AGBL1: variants seen among roughly 807,000 people sequenced by gnomAD.
AGBL1 encodes the protein AGBL carboxypeptidase 1.
In AGBL1, 130 loss-of-function variants were observed where a neutral mutation model predicts 118.9. The observed-to-expected ratio is 1.09, with a 90% CI of 0.95 to 1.26. The LOEUF is 1.26. AGBL1 is among the 50% of genes most tolerant of loss of function. AGBL1 has a pLI of 0.00. For synonymous variants in AGBL1, 555 were observed against 478.9 expected (o/e 1.16, Z -2.08); for missense variants, 1,584 against 1,298.1 (o/e 1.22, Z -3.38).
At chr15:86,972,570 C>G (rs2701429) in intron 23 of AGBL1, among the ~76,000 whole-genome samples, 104,137 of 151,918 alleles carry the variant, frequency 0.69, 36,615 homozygotes, top group South Asian at 0.9. Context: ...TACTGTCAAG[C>G]CTATCTTTAT....
At position 86,264,339 on chromosome 15, in the gene AGBL1, T is replaced by C; in HGVS notation, c.1168T>C (p.Ser390Pro). The C allele has an allele frequency of 6.2e-7, 1 of 1,612,908 alleles. No individual in the cohort carries two copies. The highest frequency in any genetic ancestry group is 1.7e-5 in the Admixed American group (1 of 59,858). The change falls in exon 11 of 23, where the codon TCC (serine) becomes CCC (proline). Residue 390 changes from serine to proline, a missense_variant. By Grantham distance (74) the Ser-to-Pro change is moderately conservative (BLOSUM62 -1). Coordinates refer to ENST00000614907, the MANE Select transcript of AGBL1 (RefSeq NM_001386094.1). ...TCACCACCACATTCCAGCCGCTGCC[T>C]CCTCAAAACAGCATTGCTACAGCAA... ...ANHHHIPAAA[S>P]SKQHCYSKDQ...
At chr15:87,016,378 A>C (rs2141792628) in intron 24 of AGBL1, among the ~76,000 whole-genome samples, 2 of 152,336 alleles carry the variant, frequency 1.3e-5, no homozygotes, top group South Asian at 4.1e-4. Flanking sequence ...TCTCTCAGAC[A>C]AAGGGACATT....
chr15:86,756,080 A>G (rs2077934818), intron 22 of AGBL1, among the ~76,000 whole-genome samples: 1 of 152,110 alleles, frequency 6.6e-6, no homozygotes, highest in Admixed American at 6.6e-5. Context: ...GGGCATGCAG[A>G]AATATAGTAG....
At chr15:86,847,820 T>G (rs2079340449) in intron 22 of AGBL1, among the ~76,000 whole-genome samples, 1 of 152,184 alleles carries the variant, frequency 6.6e-6, no homozygotes, top group African/African-American at 2.4e-5. Context: ...GTGCACAGCT[T>G]TCCAGTCAGC....
At chr15:86,927,663 G>C (rs1208347821) in intron 23 of AGBL1, among the ~76,000 whole-genome samples, 1 of 152,050 alleles carries the variant, frequency 6.6e-6, no homozygotes, top group Non-Finnish European at 1.5e-5. Context: ...ATGAATAGAG[G>C]AAGTAGCAAT....
intron 22 of AGBL1, among the ~76,000 whole-genome samples, chr15:86,732,956 CACACAT>C (rs201358138): frequency 0.012 from 1,755 of 148,914 alleles, 40 homozygotes; most frequent in African/African-American, 0.04. Flanking sequence ...GAAATATATA[CACACAT>C]ATACATATAC....
At chr15:86,141,891 G>C in intron 1 of AGBL1, 113 bp from the exon 2 acceptor site, 1 of 1,097,132 alleles carries the variant, frequency 9.1e-7, no homozygotes, top group Non-Finnish European at 1.3e-6. Flanking sequence ...TTTCGCTGTA[G>C]TTAATCTTTC....
intron 18 of AGBL1, among the ~76,000 whole-genome samples, chr15:86,481,984 G>A (rs1033641891): frequency 5.3e-5 from 8 of 152,230 alleles, no homozygotes; most frequent in African/African-American, 1.9e-4. Flanking sequence ...AACAGAAAAA[G>A]TAATGTATAG....
In AGBL1 at chr15:86,625,378, TG is replaced by T. The variant is rs869302942; in HGVS notation, c.2995-48894del. Reference sequence around the variant, plus strand: ...GAAGAAATTAGCGTTTTTTTTTTTTTGTTTTTGTTTTTTTTTTTTTTTACAA... The same window carrying T: ...GAAGAAATTAGCGTTTTTTTTTTTTTTTTTTGTTTTTTTTTTTTTTTACAA... On this transcript the variant is annotated intron_variant, in intron 21 of 22. Coordinates refer to ENST00000614907, the MANE Select transcript of AGBL1 (RefSeq NM_001386094.1). 0.024 allele frequency among the ~76,000 whole-genome samples: 983 copies of T among 40,446 alleles called. 172 individuals carry two copies. In the East Asian group the frequency reaches 0.31, roughly 13 times the overall value. The allele number at this position is 40,446 out of a possible 152,430, so 26.5% of individuals were successfully genotyped here.
chr15:86,496,782 C>T (rs1022453761), intron 18 of AGBL1, among the ~76,000 whole-genome samples: 4 of 151,864 alleles, frequency 2.6e-5, no homozygotes, highest in African/African-American at 9.7e-5. Flanking sequence ...AATGAATGAT[C>T]ACAAAATTAA....
chr15:86,267,434 T>G (rs1443639998), intron 13 of AGBL1, among the ~76,000 whole-genome samples: 1 of 152,210 alleles, frequency 6.6e-6, no homozygotes, highest in Non-Finnish European at 1.5e-5. Flanking sequence ...TATACTTTGA[T>G]GCCAAGGCTG....
At chr15:86,817,089 C>T (rs370545842) in intron 22 of AGBL1, among the ~76,000 whole-genome samples, 1 of 151,860 alleles carries the variant, frequency 6.6e-6, no homozygotes, top group East Asian at 1.9e-4. Flanking sequence ...GAGTTCGAGA[C>T]CAGCATGACC....
intron 22 of AGBL1, among the ~76,000 whole-genome samples, chr15:86,749,372 C>G (rs182149771): frequency 6.6e-6 from 1 of 152,124 alleles, no homozygotes; most frequent in Non-Finnish European, 1.5e-5. Context: ...TATCCTGAGA[C>G]TTTGCTGAAG....
chr15:86,526,573 T>TATATATATATATATAC (rs1415307184), intron 19 of AGBL1, among the ~76,000 whole-genome samples: 6 of 117,614 alleles, frequency 5.1e-5, no homozygotes, highest in African/African-American at 2.1e-4. Flanking sequence ...TATATATATA[T>TATATATATATATATAC]ACACACAGAG....
intron 22 of AGBL1, among the ~76,000 whole-genome samples, chr15:86,719,878 C>G (rs2086691166): frequency 6.6e-6 from 1 of 152,152 alleles, no homozygotes; most frequent in East Asian, 1.9e-4. Context: ...GTTCAATGTC[C>G]AGCACATGCT....
At chr15:86,825,539 A>C (rs1428899505) in intron 22 of AGBL1, among the ~76,000 whole-genome samples, 1 of 151,634 alleles carries the variant, frequency 6.6e-6, no homozygotes, top group African/African-American at 2.4e-5. Context: ...CAAAATACCC[A>C]AAAAAGAGAC....
intron 21 of AGBL1, among the ~76,000 whole-genome samples, chr15:86,557,444 G>C (rs1443166795): frequency 6.6e-6 from 1 of 152,190 alleles, no homozygotes; most frequent in Non-Finnish European, 1.5e-5. Context: ...CAGGCTGTCA[G>C]CTTGCTCCTT....
At position 86,411,133 on chromosome 15, in the gene AGBL1, G is replaced by A. The variant is rs1322986639; in HGVS notation, c.2555+13587G>A. Among the ~76,000 whole-genome samples, 4 of 151,174 alleles carry A rather than the reference G, an allele frequency of 2.6e-5. No homozygotes were observed. In the South Asian group the frequency reaches 6.3e-4, roughly 24 times the overall value. On this transcript the variant is annotated intron_variant, in intron 18 of 22. Transcript: ENST00000614907. Reference sequence around the variant, plus strand: ...TAGATTTAACTGGCACCTTGGAATGGAGAAAAACCCTGGCTTCTTGCCTTC... The same window carrying A: ...TAGATTTAACTGGCACCTTGGAATGAAGAAAAACCCTGGCTTCTTGCCTTC...
At chr15:86,087,740 A>AG (rs1453567892) in intron 1 of AGBL1, among the ~76,000 whole-genome samples, 6 of 152,252 alleles carry the variant, frequency 3.9e-5, no homozygotes, top group Admixed American at 3.9e-4. Flanking sequence ...CAGAGTGAAC[A>AG]AGTGGCATAG....
Sources: gnomAD v4.1 joint callset for allele counts (sites outside exome capture counted in the v4.1 genomes callset) on GRCh38, gnomAD v4.1.1 for gene constraint, MANE v1.5 for transcripts, NCBI Gene and HGNC (gene_info 2026-07-23, HGNC 2026-07-21) for gene names.